The following SGCZ variants were observed in gnomAD, a reference collection of about 807,000 sequenced individuals.
SGCZ encodes the protein zeta-sarcoglycan.
A neutral mutation model predicts 41.3 loss-of-function variants in SGCZ; 40 were observed. That is an observed-to-expected ratio of 0.97 (90% confidence interval 0.75 to 1.26). The LOEUF (loss-of-function observed/expected upper bound fraction) is 1.26. Among genes scored for constraint, SGCZ ranks in the 50% most tolerant of loss-of-function variants. The probability of loss-of-function intolerance (pLI) is 0.00; values close to 1 mark genes in which losing one functional copy is unlikely to be tolerated. For missense variants in SGCZ, 552 were observed against 369.8 expected (o/e 1.49, Z -4.04); for synonymous variants, 206 against 137.5 (o/e 1.50, Z -3.49).
intron 3 of SGCZ, chr8:14,309,426 G>T (rs1464629856): frequency 6.2e-7 from 1 of 1,606,556 alleles, no homozygotes; most frequent in African/African-American, 1.3e-5. Context: ...ACACTTCTGT[G>T]CCTTATTGGA....
At chr8:15,054,463 G>T (rs1292550237) in intron 1 of SGCZ, among the ~76,000 whole-genome samples, 1 of 149,388 alleles carries the variant, frequency 6.7e-6, no homozygotes, top group Admixed American at 6.6e-5. Flanking sequence ...AACCCCTGGA[G>T]TGCTGCAATG....
chr8:15,041,450 G>A (rs1351486002), intron 1 of SGCZ, among the ~76,000 whole-genome samples: 2 of 151,892 alleles, frequency 1.3e-5, no homozygotes, highest in Non-Finnish European at 2.9e-5. Flanking sequence ...TTATTTCATA[G>A]TAATTACATG....
rs371272174 is a variant in SGCZ at position 14,463,384 on chromosome 8, C to T, written c.234+91348G>A. On this transcript the variant is annotated intron_variant, in intron 2 of 7. Transcript: ENST00000382080. The stretch of plus-strand genomic sequence containing the variant: ...GCATGTAGACCAATGGAAAAGAATA[C>T]GAAGTTTTTAACAAGTGGTGTAAAA... 7.1e-5 allele frequency among the ~76,000 whole-genome samples: 10 copies of T among 141,220 alleles called. No individual in the cohort carries two copies. In the South Asian group the frequency reaches 1.1e-3, roughly 16 times the overall value. The allele number at this position is 141,220 out of a possible 152,430, so 92.6% of individuals were successfully genotyped here. A position where few individuals can be genotyped will look rare whatever the true frequency, so the allele number is the denominator to read the frequency against.
intron 3 of SGCZ, among the ~76,000 whole-genome samples, chr8:14,286,443 G>C (rs1800632478): frequency 6.8e-6 from 1 of 146,040 alleles, no homozygotes; most frequent in East Asian, 1.9e-4. Context: ...CTGGGACAAA[G>C]AAGTTCCCTT....
At chr8:14,970,510 T>C (rs73666953) in intron 1 of SGCZ, among the ~76,000 whole-genome samples, 7,320 of 152,256 alleles carry the variant, frequency 0.048, 582 homozygotes, top group African/African-American at 0.17. Context: ...GTATGAAGTA[T>C]GGACTATTTG....
At chr8:14,395,136 G>T (rs1160841853) in intron 2 of SGCZ, among the ~76,000 whole-genome samples, 1 of 152,102 alleles carries the variant, frequency 6.6e-6, no homozygotes, top group Non-Finnish European at 1.5e-5. Flanking sequence ...TAATTATTCT[G>T]TTCTTAGCTT....
At chr8:14,875,576 TA>T (rs1804325564) in intron 1 of SGCZ, among the ~76,000 whole-genome samples, 1 of 152,056 alleles carries the variant, frequency 6.6e-6, no homozygotes, top group Non-Finnish European at 1.5e-5. Flanking sequence ...TAGCTGGCAA[TA>T]AAATACTAAG....
chr8:14,604,244 A>G (rs1464546041), intron 1 of SGCZ, among the ~76,000 whole-genome samples: 1 of 152,118 alleles, frequency 6.6e-6, no homozygotes, highest in African/African-American at 2.4e-5. Context: ...AGAAGAATGA[A>G]AAATCACTTG....
chr8:14,094,955 T>C (rs575012874), intron 7 of SGCZ, among the ~76,000 whole-genome samples: 1 of 144,910 alleles, frequency 6.9e-6, no homozygotes, highest in Non-Finnish European at 1.5e-5. Context: ...TGTCTGTTCA[T>C]ATCCTTTGCC....
intron 4 of SGCZ, among the ~76,000 whole-genome samples, chr8:14,227,304 A>G (rs1806406870): frequency 6.6e-6 from 1 of 152,116 alleles, no homozygotes; most frequent in Non-Finnish European, 1.5e-5. Context: ...GTGATCTCCA[A>G]AATTTATGAA....
chr8:14,306,416 A>G (rs1236194199), intron 3 of SGCZ, among the ~76,000 whole-genome samples: 3 of 152,232 alleles, frequency 2.0e-5, no homozygotes, highest in African/African-American at 7.2e-5. Flanking sequence ...TCCAAATAAA[A>G]TGTAAAGCAC....
Position 14,890,169 on chromosome 8 carries a change from A to C in SGCZ, c.40-335243T>G, listed in dbSNP as rs201631033. On this transcript the variant is annotated intron_variant, in intron 1 of 7. Transcript: ENST00000382080. Reference sequence around the variant, plus strand: ...GAGGCGGAAGTTGCAGTGAGCAGAGATTGCACCACTGCACTCCAGCCTGGG... The same window carrying C: ...GAGGCGGAAGTTGCAGTGAGCAGAGCTTGCACCACTGCACTCCAGCCTGGG... Among the ~76,000 whole-genome samples the C allele has an allele frequency of 1.8e-4, 28 of 152,098 alleles. 1 individual carries two copies. The East Asian group carries it at 4.4e-3, about 24-fold the overall frequency.
At chr8:14,566,936 C>T (rs12678032) in intron 1 of SGCZ, among the ~76,000 whole-genome samples, 15,958 of 152,176 alleles carry the variant, frequency 0.1, 1,100 homozygotes, top group East Asian at 0.29. Flanking sequence ...CGGCTGGCCC[C>T]GCCAGCTGGC....
chr8:14,954,392 T>C (rs569573804), intron 1 of SGCZ, among the ~76,000 whole-genome samples: 2 of 152,286 alleles, frequency 1.3e-5, no homozygotes, highest in South Asian at 2.1e-4. Flanking sequence ...TTGAAGGTTG[T>C]CTTCAATGAT....
chr8:14,105,164 T>C (rs1802164268), intron 6 of SGCZ, among the ~76,000 whole-genome samples: 2 of 151,986 alleles, frequency 1.3e-5, no homozygotes, highest in African/African-American at 4.8e-5. Context: ...CAAAACAGTA[T>C]CATCTTATCT....
At chr8:15,185,911 C>T (rs1029565555) in intron 1 of SGCZ, among the ~76,000 whole-genome samples, 2 of 151,698 alleles carry the variant, frequency 1.3e-5, no homozygotes, top group African/African-American at 2.4e-5. Context: ...CAAAATAATA[C>T]TATTTAAGCA....
intron 4 of SGCZ, among the ~76,000 whole-genome samples, chr8:14,209,906 G>C (rs542920043): frequency 2.6e-5 from 4 of 152,120 alleles, no homozygotes; most frequent in African/African-American, 9.6e-5. Flanking sequence ...TTATGAATTA[G>C]TTAAAATAAT....
chr8:14,990,714 G>A (rs190533400), intron 1 of SGCZ, among the ~76,000 whole-genome samples: 2 of 152,034 alleles, frequency 1.3e-5, no homozygotes, highest in Non-Finnish European at 2.9e-5. Flanking sequence ...GAAATAAAGT[G>A]CGTAATAAAG....
At chr8:14,983,894 C>T (rs1801749545) in intron 1 of SGCZ, among the ~76,000 whole-genome samples, 1 of 152,092 alleles carries the variant, frequency 6.6e-6, no homozygotes, top group Non-Finnish European at 1.5e-5. Context: ...CAACTATATA[C>T]AATTATGTTT....
Sources: allele counts gnomAD v4.1 joint callset (sites outside exome capture counted in the v4.1 genomes callset), GRCh38; gene constraint gnomAD v4.1.1; transcripts MANE v1.5; gene names NCBI Gene and HGNC (gene_info 2026-07-23, HGNC 2026-07-21).